The following CWF19L2 variants were observed in gnomAD, a reference collection of about 807,000 sequenced individuals.
CWF19L2 encodes CWF19 like cell cycle control factor 2.
Under a neutral mutation model 111.7 loss-of-function variants are expected in CWF19L2, and 98 were observed. The observed-to-expected ratio is 0.88, with a 90% CI of 0.75 to 1.04. The LOEUF (loss-of-function observed/expected upper bound fraction) is 1.04, where lower values mean the gene tolerates loss of function less well. Among genes scored for constraint, CWF19L2 ranks in the 50% least tolerant of loss-of-function variants. CWF19L2 has a pLI of 0.00. For missense variants in CWF19L2, 1,101 were observed against 1,051.4 expected (o/e 1.05, Z -0.65); for synonymous variants, 351 against 342.9 (o/e 1.02, Z -0.26).
rs779365968 is a variant in CWF19L2 at position 107,455,745 on chromosome 11, C to T, written c.137G>A (p.Arg46His). 26 of 1,550,162 alleles carry T rather than the reference C, an allele frequency of 1.7e-5. No individual in the cohort carries two copies. The South Asian group carries it at 2.4e-4, about 14-fold the overall frequency. ...ACCCCGAAGTCGCTTAAGTTCTTTA[C>T]GCCTTTCTTCTTTTTCAAAATTGGC... is the stretch of plus-strand genomic sequence containing the variant. ...AKANFEKEER[R>H]KELKRLRGED... The change falls in exon 2 of 18, where the codon CGT (arginine) becomes CAT (histidine). Residue 46 changes from arginine (R) to histidine (H), a missense_variant. Transcript: ENST00000282251.
At chr11:107,361,220 C>G (rs555032) in intron 12 of CWF19L2, among the ~76,000 whole-genome samples, 5 of 152,140 alleles carry the variant, frequency 3.3e-5, no homozygotes, top group Admixed American at 6.5e-5. Flanking sequence ...TATCTTTTCC[C>G]CGGTGTATGT....
chr11:107,432,014 T>G (rs2135412086), intron 7 of CWF19L2, among the ~76,000 whole-genome samples: 1 of 152,250 alleles, frequency 6.6e-6, no homozygotes, highest in East Asian at 1.9e-4. Flanking sequence ...CAGCTGCATA[T>G]TTTTACGATT....
At chr11:107,422,054 C>G (rs746134974) in intron 8 of CWF19L2, among the ~76,000 whole-genome samples, 1 of 151,952 alleles carries the variant, frequency 6.6e-6, no homozygotes, top group Non-Finnish European at 1.5e-5. Context: ...CTGACATATG[C>G]AACAACATAA....
intron 12 of CWF19L2, among the ~76,000 whole-genome samples, chr11:107,355,211 T>C (rs1591158725): frequency 6.7e-6 from 1 of 150,148 alleles, no homozygotes. Context: ...GGTCCAGGAG[T>C]TTGAGACCAG....
chr11:107,443,071 G>A, intron 3 of CWF19L2, 22 bp from the exon 4 acceptor site: 1 of 1,451,118 alleles, frequency 6.9e-7, no homozygotes, highest in Non-Finnish European at 9.5e-7. Flanking sequence ...TAGCATATAA[G>A]TGAAATTGTC....
intron 12 of CWF19L2, among the ~76,000 whole-genome samples, chr11:107,388,883 T>C (rs1860809269): frequency 6.6e-6 from 1 of 152,190 alleles, no homozygotes. Flanking sequence ...TGGCATTTTT[T>C]CCAAAATAAA....
At chr11:107,345,837 T>C (rs537435172) in intron 14 of CWF19L2, among the ~76,000 whole-genome samples, 1 of 152,248 alleles carries the variant, frequency 6.6e-6, no homozygotes, top group Non-Finnish European at 1.5e-5. Context: ...ATGGGGAAAG[T>C]TTTTGTAGTT....
intron 14 of CWF19L2, among the ~76,000 whole-genome samples, chr11:107,339,382 A>G (rs1859972871): frequency 6.6e-6 from 1 of 152,302 alleles, no homozygotes; most frequent in South Asian, 2.1e-4. Flanking sequence ...TGATAGTTGC[A>G]TATTTCATAT....
intron 12 of CWF19L2, among the ~76,000 whole-genome samples, chr11:107,354,368 T>C (rs1375289099): frequency 1.3e-5 from 2 of 152,202 alleles, no homozygotes; most frequent in African/African-American, 4.8e-5. Context: ...GGTAAAGTTC[T>C]ATCTCCTGTG....
chr11:107,331,069 A>G (rs994462989), intron 16 of CWF19L2, among the ~76,000 whole-genome samples: 2 of 152,234 alleles, frequency 1.3e-5, no homozygotes, highest in African/African-American at 4.8e-5. Context: ...TCTGTTCACG[A>G]AATAGTATAT....
At chr11:107,375,610 G>A (rs1298875822) in intron 12 of CWF19L2, among the ~76,000 whole-genome samples, 18 of 133,126 alleles carry the variant, frequency 1.4e-4, no homozygotes, top group East Asian at 6.7e-4. Context: ...TCTCTGGGAC[G>A]CATTCAAAGC....
chr11:107,426,621 G>T (rs1426693572), intron 8 of CWF19L2, among the ~76,000 whole-genome samples: 2 of 151,740 alleles, frequency 1.3e-5, no homozygotes, highest in Non-Finnish European at 2.9e-5. Flanking sequence ...TTACAATGGA[G>T]TATTAAAGAG....
chr11:107,394,359 G>A (rs1285256127), intron 10 of CWF19L2, among the ~76,000 whole-genome samples: 1 of 152,092 alleles, frequency 6.6e-6, no homozygotes, highest in African/African-American at 2.4e-5. Context: ...AGTAGAGATA[G>A]GCAACACATT....
intron 10 of CWF19L2, among the ~76,000 whole-genome samples, chr11:107,402,310 G>A (rs1861012272): frequency 6.6e-6 from 1 of 151,352 alleles, no homozygotes; most frequent in Non-Finnish European, 1.5e-5. Context: ...CAGAGTGGGA[G>A]AAAATCTTCA....
rs941130983 is a variant in CWF19L2 at position 107,342,161 on chromosome 11, A to G, written c.2203-5448T>C. Among the ~76,000 whole-genome samples the G allele has an allele frequency of 1.4e-4, 22 of 151,746 alleles. No homozygotes were observed. In the South Asian group the frequency reaches 1.5e-3, roughly 10 times the overall value. ...GAGGTGAAGGTTTTTCCTCTTTTCT[A>G]TAAGTATTTAGTGCTATAAATTTCT... On this transcript the variant is annotated intron_variant, in intron 14 of 17. Transcript: ENST00000282251.
At chr11:107,450,580 A>G (rs1861764576) in intron 3 of CWF19L2, among the ~76,000 whole-genome samples, 1 of 152,076 alleles carries the variant, frequency 6.6e-6, no homozygotes, top group African/African-American at 2.4e-5. Context: ...ATAAAAAAGA[A>G]GAAATTGATA....
intron 16 of CWF19L2, 60 bp downstream of exon 16, chr11:107,334,820 GA>G (rs1859898215): frequency 4.7e-6 from 5 of 1,055,364 alleles, no homozygotes. Flanking sequence ...CTAAGACATG[GA>G]AATTAATAAA....
At chr11:107,397,031 A>G (rs533993008) in intron 10 of CWF19L2, among the ~76,000 whole-genome samples, 4 of 152,202 alleles carry the variant, frequency 2.6e-5, no homozygotes, top group Non-Finnish European at 4.4e-5. Flanking sequence ...TGGGTCCCCA[A>G]ACAGCCCGTT....
At chr11:107,362,063 G>C (rs541019615) in intron 12 of CWF19L2, among the ~76,000 whole-genome samples, 1 of 152,122 alleles carries the variant, frequency 6.6e-6, no homozygotes. Context: ...AAGGGGTGAC[G>C]GACGCACCTG....
Sources: gnomAD v4.1 joint callset for allele counts (sites outside exome capture counted in the v4.1 genomes callset) on GRCh38, gnomAD v4.1.1 for gene constraint, MANE v1.5 for transcripts, NCBI Gene and HGNC (gene_info 2026-07-23, HGNC 2026-07-21) for gene names.